Variants in CLUAP1 observed in about 807,000 individuals in gnomAD.
The protein encoded by CLUAP1 is intraflagellar transport 38.
A neutral mutation model predicts 55.0 loss-of-function variants in CLUAP1; 50 were observed. The observed-to-expected ratio is 0.91, with a 90% CI of 0.72 to 1.15. The LOEUF (loss-of-function observed/expected upper bound fraction) is 1.15, where lower values mean the gene tolerates loss of function less well. Among genes scored for constraint, CLUAP1 ranks in the 50% most tolerant of loss-of-function variants. The pLI, the probability that CLUAP1 is intolerant of heterozygous loss-of-function variation, is 0.00. For synonymous variants in CLUAP1, 195 were observed against 175.4 expected, an observed-to-expected ratio of 1.11 and a Z score of -0.88; for missense variants, 530 against 507.6, an observed-to-expected ratio of 1.04 and a Z score of -0.42.
At chr16:3,496,922 G>A (rs2037320167), upstream of CLUAP1, among the ~76,000 whole-genome samples, 1 of 148,010 alleles carries the variant, frequency 6.8e-6, no homozygotes, top group Non-Finnish European at 1.5e-5. Context: ...CCAGGCTGGA[G>A]TGCAGTGGCG....
intron 11 of CLUAP1, chr16:3,534,110 G>A (rs2038183859): frequency 6.6e-6 from 1 of 152,262 alleles, no homozygotes; most frequent in South Asian, 2.1e-4. Flanking sequence ...GTGGATTATG[G>A]GGAACGCAGC....
At chr16:3,518,245 C>A (rs1319548746) in intron 6 of CLUAP1, among the ~76,000 whole-genome samples, 1 of 152,190 alleles carries the variant, frequency 6.6e-6, no homozygotes. Context: ...ACCTCTTATC[C>A]TTGCCAGTGT....
At chr16:3,504,938 G>C (rs1007087093) in intron 2 of CLUAP1, 107 bp downstream of exon 2, 49 of 720,492 alleles carry the variant, frequency 6.8e-5, no homozygotes, top group East Asian at 1.3e-4. Context: ...AAAGTTTTTG[G>C]AATTTGACAG....
At position 3,538,934 on chromosome 16, in the gene CLUAP1, A is replaced by G. The variant is rs949141923; in HGVS notation, c.*2663A>G. 16 of 152,230 alleles carry G rather than the reference A, an allele frequency of 1.1e-4. No homozygotes were observed. The highest frequency in any genetic ancestry group is 1.9e-4 in the Non-Finnish European group (13 of 68,038). 9.4% of individuals were successfully genotyped at this position (152,230 alleles called of 1,614,324 possible). On this transcript the variant is annotated 3_prime_UTR_variant, in exon 12 of 12. Coordinates refer to ENST00000576634, the MANE Select transcript of CLUAP1 (RefSeq NM_015041.3). ...GGATGGTTGTGATTAGGTCAAATAGAAAACTAGCAGGCCATTGCTGACAAT... is the reference window on the plus strand; with the variant it reads ...GGATGGTTGTGATTAGGTCAAATAGGAAACTAGCAGGCCATTGCTGACAAT...
intron 9 of CLUAP1, among the ~76,000 whole-genome samples, chr16:3,527,115 G>A (rs751718305): frequency 2.0e-5 from 3 of 152,082 alleles, no homozygotes; most frequent in East Asian, 1.9e-4. Flanking sequence ...TTGTGTGGGC[G>A]GCAAGCCGCC....
intron 6 of CLUAP1, among the ~76,000 whole-genome samples, chr16:3,518,485 T>G (rs568993325): frequency 2.6e-5 from 4 of 152,338 alleles, no homozygotes; most frequent in South Asian, 2.1e-4. Context: ...CCAGGGAAAA[T>G]TGCTTGTGTT....
At chr16:3,534,017 C>T (rs976444630) in intron 11 of CLUAP1, 8 of 152,232 alleles carry the variant, frequency 5.3e-5, no homozygotes, top group African/African-American at 1.9e-4. Context: ...TCCATGCCGC[C>T]CTCCAGGCAC....
At chr16:3,526,556 G>A (rs554535089) in intron 9 of CLUAP1, 72 bp downstream of exon 9, 1 of 785,508 alleles carries the variant, frequency 1.3e-6, no homozygotes, top group Non-Finnish European at 1.8e-6. Context: ...TATATAGAGA[G>A]ATATATATAT....
intron 8 of CLUAP1, 138 bp downstream of exon 8, chr16:3,523,437 C>T (rs1481918275): frequency 2.9e-6 from 3 of 1,026,738 alleles, no homozygotes; most frequent in Non-Finnish European, 4.2e-6. Flanking sequence ...GAGGATTGCT[C>T]ATGTAATGTG....
chr16:3,517,808 G>A (rs73503346), intron 6 of CLUAP1, among the ~76,000 whole-genome samples: 305 of 152,290 alleles, frequency 2.0e-3, no homozygotes, highest in African/African-American at 6.9e-3. Flanking sequence ...AGACAAAGCC[G>A]GATTGAGGGG....
chr16:3,496,873 CTT>C (rs369156559), upstream of CLUAP1: 2,480 of 240,710 alleles, frequency 0.01, no homozygotes, highest in South Asian at 0.019. Context: ...TTTTTCTTTT[CTT>C]TTTTTTTTTT....
chr16:3,521,914 C>T lies in CLUAP1; in HGVS notation c.714-1244C>T, dbSNP rs117632702. Among the ~76,000 whole-genome samples, 592 of 151,948 alleles carry T rather than the reference C, an allele frequency of 3.9e-3. 8 individuals carry two copies. The East Asian group carries it at 0.04, about 10-fold the overall frequency. ...TACAAAAAAAAAATATAAAAAATAG[C>T]TGGGCATAGTGGCACATGTCTGTAG... On this transcript the variant is annotated intron_variant, in intron 7 of 11. Coordinates refer to ENST00000576634, the MANE Select transcript of CLUAP1 (RefSeq NM_015041.3).
upstream of CLUAP1, among the ~76,000 whole-genome samples, chr16:3,498,243 G>GCACC (rs1463779409): frequency 6.6e-6 from 1 of 152,006 alleles, no homozygotes; most frequent in African/African-American, 2.4e-5. Context: ...TCATAATTGG[G>GCACC]CACCCAGCAG....
rs2037405338 is a variant in CLUAP1 at position 3,501,655 on chromosome 16, G to T, written c.22+566G>T. Among the ~76,000 whole-genome samples the T allele has an allele frequency of 2.6e-5, 4 of 152,186 alleles. No homozygotes were observed. The South Asian group carries it at 6.2e-4, about 24-fold the overall frequency. On this transcript the variant is annotated intron_variant, in intron 1 of 11. Coordinates refer to ENST00000576634, the MANE Select transcript of CLUAP1 (RefSeq NM_015041.3). The stretch of plus-strand genomic sequence containing the variant: ...AAATTAGCCGGGGGTGGTGGCGGGC[G>T]CCTGTAATCCCAGCTACTCGGGAGT...
intron 11 of CLUAP1, 146 bp downstream of exon 11, chr16:3,532,987 A>G: frequency 7.4e-7 from 1 of 1,347,220 alleles, no homozygotes. Context: ...GTTTGGCCTC[A>G]TGAGGCTCTG....
At chr16:3,528,314 ACT>A (rs151134070) in intron 9 of CLUAP1, among the ~76,000 whole-genome samples, 3 of 149,046 alleles carry the variant, frequency 2.0e-5, no homozygotes, top group South Asian at 2.1e-4. Flanking sequence ...TCCCACACAC[ACT>A]CTCTCTCTCT....
intron 9 of CLUAP1, among the ~76,000 whole-genome samples, chr16:3,527,011 G>A (rs762047182): frequency 3.3e-5 from 5 of 152,034 alleles, no homozygotes; most frequent in African/African-American, 7.2e-5. Context: ...GAATGGCTCA[G>A]CAAGACACTC....
At chr16:3,509,687 C>T (rs1054648750) in intron 4 of CLUAP1, among the ~76,000 whole-genome samples, 6 of 152,156 alleles carry the variant, frequency 3.9e-5, no homozygotes, top group Admixed American at 1.3e-4. Context: ...AGTGTGGCCA[C>T]GCAGGGTACG....
chr16:3,512,962 G>A (rs969400771), intron 5 of CLUAP1, among the ~76,000 whole-genome samples: 4 of 152,162 alleles, frequency 2.6e-5, no homozygotes, highest in African/African-American at 9.7e-5. Context: ...TTACCGGTGT[G>A]AGCCACCGCG....
Sources: allele counts gnomAD v4.1 joint callset (sites outside exome capture counted in the v4.1 genomes callset), GRCh38; gene constraint gnomAD v4.1.1; transcripts MANE v1.5; gene names NCBI Gene and HGNC (gene_info 2026-07-23, HGNC 2026-07-21).